PTPRD: variants seen among roughly 807,000 people sequenced by gnomAD.
The protein encoded by PTPRD is protein tyrosine phosphatase receptor type D, also known as receptor-type tyrosine-protein phosphatase delta.
Under a neutral mutation model 214.5 loss-of-function variants are expected in PTPRD, and 34 were observed. The observed-to-expected ratio is 0.16, with a 90% CI of 0.12 to 0.21. The LOEUF (loss-of-function observed/expected upper bound fraction) is 0.21, where lower values mean the gene tolerates loss of function less well. Ranked by LOEUF, PTPRD falls within the 10% of genes least tolerant of loss-of-function variation. The pLI is 1.00. For synonymous variants in PTPRD, 1,128 were observed against 845.7 expected (o/e 1.33, Z -5.79); for missense variants, 2,545 against 2,398.7 (o/e 1.06, Z -1.27).
intron 7 of PTPRD, among the ~76,000 whole-genome samples, chr9:9,587,793 A>AACTGTTCTAGATGT (rs1441625637): frequency 6.6e-6 from 1 of 151,974 alleles, no homozygotes; most frequent in Non-Finnish European, 1.5e-5. Context: ...CATATGTGGG[A>AACTGTTCTAGATGT]GCTAAACAAA....
chr9:8,953,793 A>G (rs1466408087), intron 11 of PTPRD, among the ~76,000 whole-genome samples: 2 of 152,096 alleles, frequency 1.3e-5, no homozygotes, highest in Admixed American at 6.6e-5. Flanking sequence ...CAAAACCACA[A>G]TGATATGCCA....
chr9:8,723,370 C>A (rs146402226), intron 12 of PTPRD, among the ~76,000 whole-genome samples: 1 of 152,164 alleles, frequency 6.6e-6, no homozygotes, highest in Non-Finnish European at 1.5e-5. Context: ...TCCTCTCTTA[C>A]TCTCATATTA....
At chr9:10,601,149 A>C (rs1013814032) in intron 2 of PTPRD, among the ~76,000 whole-genome samples, 2 of 151,826 alleles carry the variant, frequency 1.3e-5, no homozygotes, top group African/African-American at 4.8e-5. Context: ...TATTTTAATC[A>C]TGATCATATT....
At chr9:9,987,543 G>A (rs1041666033) in intron 4 of PTPRD, among the ~76,000 whole-genome samples, 17 of 152,126 alleles carry the variant, frequency 1.1e-4, no homozygotes, top group African/African-American at 2.4e-4. Context: ...AGAACAGCAC[G>A]GGAAAGACCT....
At chr9:9,915,810 T>C (rs1040193465) in intron 5 of PTPRD, among the ~76,000 whole-genome samples, 3 of 151,908 alleles carry the variant, frequency 2.0e-5, no homozygotes, top group African/African-American at 7.2e-5. Context: ...TTTAATGAAA[T>C]GATAGCAGAA....
chr9:9,078,690 A>G (rs2099754657), intron 10 of PTPRD, among the ~76,000 whole-genome samples: 1 of 152,056 alleles, frequency 6.6e-6, no homozygotes, highest in Non-Finnish European at 1.5e-5. Flanking sequence ...GCTGCAGGAA[A>G]GTATGGATGG....
chr9:10,573,375 A>G (rs900750522), intron 2 of PTPRD, among the ~76,000 whole-genome samples: 1 of 152,298 alleles, frequency 6.6e-6, no homozygotes, highest in South Asian at 2.1e-4. Flanking sequence ...GAAGGTCGCA[A>G]ATTTATTTCT....
At chr9:8,620,161 G>A (rs1241357043) in intron 14 of PTPRD, among the ~76,000 whole-genome samples, 1 of 151,982 alleles carries the variant, frequency 6.6e-6, no homozygotes, top group Non-Finnish European at 1.5e-5. Flanking sequence ...TAATTCTCTA[G>A]GATTTTTTTC....
chr9:8,899,234 G>A (rs2098645538), intron 11 of PTPRD, among the ~76,000 whole-genome samples: 1 of 152,062 alleles, frequency 6.6e-6, no homozygotes, highest in Admixed American at 6.6e-5. Flanking sequence ...TCTGAACCTG[G>A]GTCCCTCAAC....
At chr9:9,174,281 G>A (rs1569558484) in intron 10 of PTPRD, among the ~76,000 whole-genome samples, 1 of 152,018 alleles carries the variant, frequency 6.6e-6, no homozygotes, top group Non-Finnish European at 1.5e-5. Flanking sequence ...ATCTACAATA[G>A]TGACTGATTA....
chr9:9,084,358 C>G (rs1434338353), intron 10 of PTPRD, among the ~76,000 whole-genome samples: 1 of 152,070 alleles, frequency 6.6e-6, no homozygotes, highest in East Asian at 1.9e-4. Flanking sequence ...ACAATGAGAA[C>G]ATATGGACAC....
At chr9:9,285,875 T>C (rs1380182534) in intron 9 of PTPRD, among the ~76,000 whole-genome samples, 1 of 151,804 alleles carries the variant, frequency 6.6e-6, no homozygotes, top group Admixed American at 6.6e-5. Context: ...TATCTATATC[T>C]GTATCTATAT....
intron 8 of PTPRD, among the ~76,000 whole-genome samples, chr9:9,406,775 AG>A (rs2073575159): frequency 6.6e-6 from 1 of 151,712 alleles, no homozygotes; most frequent in Admixed American, 6.6e-5. Context: ...GCAATTTTAT[AG>A]TGGAGATAAA....
chr9:9,801,736 G>A (rs568318914), intron 5 of PTPRD, among the ~76,000 whole-genome samples: 1 of 151,974 alleles, frequency 6.6e-6, no homozygotes, highest in African/African-American at 2.4e-5. Flanking sequence ...AACTATTAAA[G>A]GTTAAATTCA....
chr9:9,710,971 A>C (rs1242189588), intron 7 of PTPRD, among the ~76,000 whole-genome samples: 1 of 151,760 alleles, frequency 6.6e-6, no homozygotes, highest in Admixed American at 6.6e-5. Context: ...CGAGCGAGAG[A>C]GAGCGTGTGT....
intron 11 of PTPRD, among the ~76,000 whole-genome samples, chr9:8,981,488 A>G (rs759635201): frequency 2.6e-5 from 4 of 152,078 alleles, no homozygotes; most frequent in Non-Finnish European, 5.9e-5. Context: ...TGGATTTTCA[A>G]TAAGTTGAAA....
chr9:8,635,053 A>G lies in PTPRD; in HGVS notation c.211-1595T>C, dbSNP rs141373031. Among the ~76,000 whole-genome samples, 180 of 147,890 alleles carry G rather than the reference A, an allele frequency of 1.2e-3. 2 individuals are homozygous for G. The highest frequency in any genetic ancestry group is 4.3e-3 in the African/African-American group (174 of 40,784). The stretch of plus-strand genomic sequence containing the variant: ...TACCATATATATTGTTTAATAATAT[A>G]TATTTAATAATATATATTAAATATA... On this transcript the variant is annotated intron_variant, in intron 13 of 45. Transcript: ENST00000381196.
intron 2 of PTPRD, among the ~76,000 whole-genome samples, chr9:10,362,573 T>C (rs2097416807): frequency 6.6e-6 from 1 of 152,114 alleles, no homozygotes; most frequent in African/African-American, 2.4e-5. Context: ...AATCGAGTGA[T>C]AACAGCTGGA....
chr9:10,595,633 AATTG>A (rs1408571683), intron 2 of PTPRD, among the ~76,000 whole-genome samples: 1 of 151,382 alleles, frequency 6.6e-6, no homozygotes, highest in Non-Finnish European at 1.5e-5. Flanking sequence ...CTTTTAATTT[AATTG>A]ATTCACAATT....
Sources: allele counts gnomAD v4.1 joint callset (sites outside exome capture counted in the v4.1 genomes callset), GRCh38; gene constraint gnomAD v4.1.1; transcripts MANE v1.5; gene names NCBI Gene and HGNC (gene_info 2026-07-23, HGNC 2026-07-21).